Variants in OVCH1 observed in about 807,000 individuals in gnomAD.
OVCH1 encodes ovochymase-1.
In OVCH1, 139 loss-of-function variants were observed where a neutral mutation model predicts 138.4. The observed-to-expected ratio is 1.00, with a 90% confidence interval of 0.87 to 1.16. The LOEUF is 1.16. OVCH1 is among the 50% of genes most tolerant of loss of function. The probability of loss-of-function intolerance (pLI) is 0.00; values close to 1 mark genes in which losing one functional copy is unlikely to be tolerated. For synonymous variants in OVCH1, 453 were observed against 467.8 expected, an observed-to-expected ratio of 0.97 and a Z score of 0.41; for missense variants, 1,367 against 1,357.9, an observed-to-expected ratio of 1.01 and a Z score of -0.11.
chr12:29,438,449 TC>T (rs1941404630), intron 26 of OVCH1, among the ~76,000 whole-genome samples: 1 of 126,904 alleles, frequency 7.9e-6, no homozygotes, highest in African/African-American at 3.0e-5. Flanking sequence ...GGAGTTAATT[TC>T]CTCTTCATCC....
intron 25 of OVCH1, among the ~76,000 whole-genome samples, chr12:29,439,872 A>G (rs184007894): frequency 3.9e-5 from 6 of 152,344 alleles, no homozygotes; most frequent in Admixed American, 1.3e-4. Context: ...CCTATTTATT[A>G]CAAAGGATAT....
At chr12:29,442,382 A>G (rs1331719258) in intron 25 of OVCH1, among the ~76,000 whole-genome samples, 1 of 138,820 alleles carries the variant, frequency 7.2e-6, no homozygotes, top group African/African-American at 2.6e-5. Context: ...ACAAAAAACC[A>G]AACACCGCAT....
chr12:29,465,549 C>T (rs1456798424), intron 16 of OVCH1, among the ~76,000 whole-genome samples: 4 of 152,112 alleles, frequency 2.6e-5, no homozygotes, highest in Admixed American at 1.3e-4. Context: ...AGGGAAACCA[C>T]CCTACCATCA....
At chr12:29,468,347 C>A (rs1592079979) in intron 16 of OVCH1, among the ~76,000 whole-genome samples, 1 of 152,254 alleles carries the variant, frequency 6.6e-6, no homozygotes, top group African/African-American at 2.4e-5. Flanking sequence ...AAATTAAATA[C>A]AAATTCTTTT....
At chr12:29,468,531 T>A (rs979503384) in intron 16 of OVCH1, among the ~76,000 whole-genome samples, 1 of 152,188 alleles carries the variant, frequency 6.6e-6, no homozygotes, top group South Asian at 2.1e-4. Context: ...GAAAAGGGAA[T>A]CTACCAAAGC....
At chr12:29,411,300 A>C (rs1005991047), downstream of OVCH1, among the ~76,000 whole-genome samples, 7 of 148,888 alleles carry the variant, frequency 4.7e-5, no homozygotes, top group Non-Finnish European at 1.0e-4. Context: ...TCTACTCTCA[A>C]CTCGTCAAAG....
chr12:29,428,672 C>G (rs1941218701), intron 27 of OVCH1, among the ~76,000 whole-genome samples: 1 of 152,076 alleles, frequency 6.6e-6, no homozygotes, highest in Non-Finnish European at 1.5e-5. Context: ...AACTTCAAAG[C>G]AAAATTCTGA....
chr12:29,423,325 T>G (rs1006623200), downstream of OVCH1: 2 of 454,458 alleles, frequency 4.4e-6, no homozygotes, highest in African/African-American at 4.0e-5. Context: ...ATTCGATAAT[T>G]AAAGTACTTT....
intron 17 of OVCH1, among the ~76,000 whole-genome samples, 191 bp downstream of exon 17, chr12:29,464,956 C>G (rs924908485): frequency 6.6e-6 from 1 of 152,150 alleles, no homozygotes; most frequent in African/African-American, 2.4e-5. Context: ...ATTTGCAATT[C>G]TGACCTACTT....
At chr12:29,479,829 T>TC (rs1235478318) in intron 8 of OVCH1, among the ~76,000 whole-genome samples, 5 of 148,608 alleles carry the variant, frequency 3.4e-5, no homozygotes, top group Non-Finnish European at 7.5e-5. Flanking sequence ...TTTTTCTTTT[T>TC]TTTTTTTTTT....
At chr12:29,439,196 A>G (rs902632356) in intron 26 of OVCH1, 3 of 731,430 alleles carry the variant, frequency 4.1e-6, no homozygotes. Context: ...TGCCACCCCT[A>G]GAAGCTCAAA....
At chr12:29,452,893 A>G (rs1941836969) in intron 21 of OVCH1, among the ~76,000 whole-genome samples, 1 of 152,220 alleles carries the variant, frequency 6.6e-6, no homozygotes, top group Admixed American at 6.5e-5. Context: ...AAAACAAAGC[A>G]ACACCTTTCC....
chr12:29,473,117 A>AC lies in OVCH1; in HGVS notation c.1601-15_1601-14insG. Reference sequence around the variant, plus strand: ...TGTTTAAAGACTCTGTAGAAGAAAAAAAAATTAATTGAAAGTAATTAGAGA... The same window carrying AC: ...TGTTTAAAGACTCTGTAGAAGAAAAACAAAATTAATTGAAAGTAATTAGAGA... On this transcript the variant is annotated splice_polypyrimidine_tract_variant and intron_variant, in intron 14 of 27. Coordinates refer to ENST00000318184, the Ensembl canonical transcript of OVCH1. 1 of 1,562,926 alleles carries AC rather than the reference A, an allele frequency of 6.4e-7. No homozygotes were observed. The highest frequency in any genetic ancestry group is 8.7e-7 in the Non-Finnish European group (1 of 1,147,136).
chr12:29,462,108 T>C, intron 18 of OVCH1, 100 bp from the exon 19 acceptor site: 1 of 1,323,072 alleles, frequency 7.6e-7, no homozygotes, highest in South Asian at 1.4e-5. Context: ...CCAACATAGC[T>C]GAAGTCATTC....
the OVCH1 span, among the ~76,000 whole-genome samples, chr12:29,405,197 T>G: frequency 2.0e-5 from 3 of 152,192 alleles, no homozygotes; most frequent in Non-Finnish European, 1.5e-5. Context: ...CATTTGTTTT[T>G]AAGGTAACTT....
intron 4 of OVCH1, among the ~76,000 whole-genome samples, chr12:29,492,984 T>C (rs1421196487): frequency 6.6e-6 from 1 of 152,198 alleles, no homozygotes; most frequent in Admixed American, 6.5e-5. Flanking sequence ...GAAGTTACTT[T>C]GAATTTAGCA....
At chr12:29,405,336 T>C in the OVCH1 span, among the ~76,000 whole-genome samples, 2 of 152,182 alleles carry the variant, frequency 1.3e-5, no homozygotes, top group Admixed American at 1.3e-4. Flanking sequence ...AATGCAATCC[T>C]TGAATTACCA....
intron 3 of OVCH1, among the ~76,000 whole-genome samples, chr12:29,422,118 A>G (rs1941113066): frequency 6.6e-6 from 1 of 152,190 alleles, no homozygotes; most frequent in Non-Finnish European, 1.5e-5. Context: ...TCCACATTAT[A>G]TGCTCAGTCT....
At chr12:29,410,542 A>C (rs1233215498), downstream of OVCH1, among the ~76,000 whole-genome samples, 1 of 117,378 alleles carries the variant, frequency 8.5e-6, no homozygotes, top group African/African-American at 2.7e-5. Context: ...TTGTCTGTAA[A>C]GTATTTTATT....
Sources: allele counts gnomAD v4.1 joint callset (sites outside exome capture counted in the v4.1 genomes callset), GRCh38; gene constraint gnomAD v4.1.1; transcripts MANE v1.5; gene names NCBI Gene and HGNC (gene_info 2026-07-23, HGNC 2026-07-21).